Variants in LRRC7 observed in about 807,000 individuals in gnomAD.
LRRC7 encodes the protein leucine rich repeat containing 7.
In LRRC7, 23 loss-of-function variants were observed where a neutral mutation model predicts 175.7. The observed-to-expected ratio is 0.13, with a 90% CI of 0.09 to 0.19. The LOEUF (loss-of-function observed/expected upper bound fraction) is 0.19. Among genes scored for constraint, LRRC7 ranks in the 10% least tolerant of loss-of-function variants. LRRC7 has a pLI of 1.00. For missense variants in LRRC7, 1,354 were observed against 1,904.7 expected (o/e 0.71, Z 5.38); for synonymous variants, 685 against 680.9 (o/e 1.01, Z -0.09).
chr1:70,129,122 C>G lies in LRRC7; in HGVS notation c.*7235C>G, dbSNP rs1417241273. ...ATTAGCCGGGCATTGTGGCGCGCAC[C>G]TGTAATCCTAGTTACTGGGGAGGCT... is the stretch of plus-strand genomic sequence containing the variant. On this transcript the variant is annotated 3_prime_UTR_variant, in exon 27 of 27. Transcript: ENST00000651989. Among the ~76,000 whole-genome samples the G allele has an allele frequency of 6.6e-6, 1 of 151,940 alleles. No homozygotes were observed. The highest frequency in any genetic ancestry group is 2.4e-5 in the African/African-American group (1 of 41,352).
chr1:69,921,847 T>C (rs548577300), intron 7 of LRRC7, among the ~76,000 whole-genome samples: 1 of 152,350 alleles, frequency 6.6e-6, no homozygotes, highest in African/African-American at 2.4e-5. Flanking sequence ...TCTCATGATC[T>C]AGTGCTTACC....
intron 8 of LRRC7, among the ~76,000 whole-genome samples, chr1:69,974,594 GA>G (rs1428549142): frequency 6.6e-6 from 1 of 152,150 alleles, no homozygotes; most frequent in East Asian, 1.9e-4. Flanking sequence ...TGTGTTGGTT[GA>G]ATGTAAGCCA....
rs183531673 is a variant in LRRC7 at position 69,785,416 on chromosome 1, G to T, written c.304-6627G>T. Among the ~76,000 whole-genome samples the T allele has an allele frequency of 2.4e-3, 365 of 152,200 alleles. 2 individuals carry two copies. The highest frequency in any genetic ancestry group is 3.8e-3 in the Non-Finnish European group (258 of 67,950). On this transcript the variant is annotated intron_variant, in intron 3 of 26. Coordinates refer to ENST00000651989, the MANE Select transcript of LRRC7 (RefSeq NM_001370785.2). ...GTGCACCACTGTTAAACAACATAGA[G>T]ATTGCTTGTTTTTAATTTTAATCCA...
chr1:69,749,906 T>C (rs1669652704), intron 2 of LRRC7, among the ~76,000 whole-genome samples: 1 of 151,372 alleles, frequency 6.6e-6, no homozygotes, highest in Non-Finnish European at 1.5e-5. Context: ...TACTAAAATA[T>C]AAAAATTAGC....
intron 26 of LRRC7, among the ~76,000 whole-genome samples, chr1:70,110,478 G>A (rs919939790): frequency 6.6e-6 from 1 of 152,174 alleles, no homozygotes; most frequent in African/African-American, 2.4e-5. Context: ...ATGTGGGGAC[G>A]TGAGGGTTAT....
intron 18 of LRRC7, among the ~76,000 whole-genome samples, chr1:70,034,675 G>T (rs2102013796): frequency 6.6e-6 from 1 of 152,334 alleles, no homozygotes; most frequent in East Asian, 1.9e-4. Context: ...GAATCCTGCT[G>T]CAGTGCTGGA....
At chr1:69,993,908 C>G (rs755391320) in intron 10 of LRRC7, among the ~76,000 whole-genome samples, 1 of 152,056 alleles carries the variant, frequency 6.6e-6, no homozygotes, top group Non-Finnish European at 1.5e-5. Context: ...CTCATTAAAA[C>G]CCTGGGAAGA....
At chr1:69,714,989 T>G (rs1665184192) in intron 2 of LRRC7, among the ~76,000 whole-genome samples, 1 of 152,214 alleles carries the variant, frequency 6.6e-6, no homozygotes, top group African/African-American at 2.4e-5. Context: ...CTTCAGCATT[T>G]TATGTGCTAT....
intron 1 of LRRC7, among the ~76,000 whole-genome samples, chr1:69,658,197 A>C (rs933588882): frequency 6.6e-6 from 1 of 151,962 alleles, no homozygotes; most frequent in Non-Finnish European, 1.5e-5. Context: ...GGCAGCTTAG[A>C]GATGGCATTT....
chr1:70,023,313 T>G lies in LRRC7; in HGVS notation c.1733T>G (p.Met578Arg). 1 of 1,613,370 alleles carries G rather than the reference T, an allele frequency of 6.2e-7. No homozygotes were observed. Residue 578 changes from methionine to arginine, a missense_variant, in exon 17 of 27, where the codon ATG (methionine) becomes AGG (arginine). Transcript: ENST00000651989. ...AGTGGCCTCCAGCAGGAAAGGAGCATGTGTACTCCATTGCCAGTTGCAGCA... is the reference window on the plus strand; with the variant it reads ...AGTGGCCTCCAGCAGGAAAGGAGCAGGTGTACTCCATTGCCAGTTGCAGCA... ...CISGLQQERS[M>R]CTPLPVAAQS...
intron 4 of LRRC7, among the ~76,000 whole-genome samples, chr1:69,800,971 T>C (rs1034075003): frequency 2.1e-4 from 32 of 152,088 alleles, no homozygotes; most frequent in Admixed American, 7.9e-4. Flanking sequence ...CAAATGCTTT[T>C]TCTCTATCTA....
rs1667205880 is a variant in LRRC7, at chr1:70,144,137, T to G, written c.*22250T>G. 6.6e-6 allele frequency: 1 copy of G among 152,174 alleles called. No homozygotes were observed. The highest frequency in any genetic ancestry group is 2.4e-5 in the African/African-American group (1 of 41,448). 9.4% of individuals were successfully genotyped at this position (152,174 alleles called of 1,614,324 possible). A position where few individuals can be genotyped will look rare whatever the true frequency, so the allele number is the denominator to read the frequency against. On this transcript the variant is annotated 3_prime_UTR_variant, in exon 27 of 27. Coordinates refer to ENST00000651989, the MANE Select transcript of LRRC7 (RefSeq NM_001370785.2). The stretch of plus-strand genomic sequence containing the variant: ...GCAAGCTGTATTCTCCAGTTTTATT[T>G]TATGTACTGACACTAATTGGTAAAG...
At chr1:69,886,223 A>T (rs1687178875) in intron 7 of LRRC7, among the ~76,000 whole-genome samples, 1 of 151,954 alleles carries the variant, frequency 6.6e-6, no homozygotes, top group South Asian at 2.1e-4. Flanking sequence ...GGGGTATTAA[A>T]GTCTCCCATT....
In LRRC7 at chr1:69,780,102, T is replaced by C. The variant is rs527461391; in HGVS notation, c.304-11941T>C. 1.1e-4 allele frequency among the ~76,000 whole-genome samples: 17 copies of C among 152,346 alleles called. No homozygotes were observed. The South Asian group carries it at 3.3e-3, about 30-fold the overall frequency. Reference sequence around the variant, plus strand: ...TTTTCTAATCTCCCACCTGCCTGTCTGTTCATAGGTGCCAAATGTTTCTCA... The same window carrying C: ...TTTTCTAATCTCCCACCTGCCTGTCCGTTCATAGGTGCCAAATGTTTCTCA... On this transcript the variant is annotated intron_variant, in intron 3 of 26. Transcript: ENST00000651989.
chr1:69,880,116 G>A (rs1210204137), intron 7 of LRRC7, among the ~76,000 whole-genome samples: 1 of 152,118 alleles, frequency 6.6e-6, no homozygotes, highest in African/African-American at 2.4e-5. Context: ...GCTGGGTAGG[G>A]GAGAAAAAGA....
intron 3 of LRRC7, among the ~76,000 whole-genome samples, chr1:69,790,347 A>G (rs368848723): frequency 6.6e-6 from 1 of 152,116 alleles, no homozygotes; most frequent in East Asian, 1.9e-4. Flanking sequence ...GGCTGTTCAG[A>G]AGTTTCTGTG....
chr1:69,743,296 C>A (rs1297861089), intron 2 of LRRC7, among the ~76,000 whole-genome samples: 2 of 151,936 alleles, frequency 1.3e-5, no homozygotes, highest in Non-Finnish European at 2.9e-5. Context: ...TAACTTACAT[C>A]CTGAGGAAGT....
At chr1:69,812,842 G>T (rs1238441997) in intron 4 of LRRC7, among the ~76,000 whole-genome samples, 1 of 152,004 alleles carries the variant, frequency 6.6e-6, no homozygotes, top group African/African-American at 2.4e-5. Flanking sequence ...TCAAAATTTG[G>T]TATTTGTTAA....
chr1:70,071,565 T>C (rs540868697), intron 23 of LRRC7, among the ~76,000 whole-genome samples: 1 of 152,194 alleles, frequency 6.6e-6, no homozygotes, highest in Non-Finnish European at 1.5e-5. Flanking sequence ...ATTGTTGTTT[T>C]ATAAAATTAC....
Sources: gnomAD v4.1 joint callset for allele counts (sites outside exome capture counted in the v4.1 genomes callset) on GRCh38, gnomAD v4.1.1 for gene constraint, MANE v1.5 for transcripts, NCBI Gene and HGNC (gene_info 2026-07-23, HGNC 2026-07-21) for gene names.